R3HDML: variants seen among roughly 807,000 people sequenced by gnomAD.
R3HDML encodes the protein R3H domain containing like.
In R3HDML, 21 loss-of-function variants were observed where a neutral mutation model predicts 24.2. The ratio of observed to expected loss-of-function variants is 0.87; its 90% CI spans 0.62 to 1.25. The LOEUF (loss-of-function observed/expected upper bound fraction) is 1.25. Among genes scored for constraint, R3HDML ranks in the 50% most tolerant of loss-of-function variants. The probability of loss-of-function intolerance (pLI) is 0.00; values close to 1 mark genes in which losing one functional copy is unlikely to be tolerated. For missense variants in R3HDML, 301 were observed against 340.3 expected (o/e 0.88, Z 0.91); for synonymous variants, 133 against 131.5 (o/e 1.01, Z -0.08).
chr20:44,339,333 ATGT>A (rs1364608131), intron 1 of R3HDML, among the ~76,000 whole-genome samples: 7 of 152,290 alleles, frequency 4.6e-5, no homozygotes, highest in Admixed American at 2.6e-4. Flanking sequence ...GTGCCTAGAG[ATGT>A]TGTTTGATAT....
rs142408836 is a variant in R3HDML at position 44,349,472 on chromosome 20, G to A, written c.630-1188G>A. On this transcript the variant is annotated intron_variant, in intron 4 of 4. Coordinates refer to ENST00000217043, the MANE Select transcript of R3HDML (RefSeq NM_178491.4). Reference sequence around the variant, plus strand: ...TGAGAACTGTGGACTGACAGCAGCCGGCACAAATCCTGATGTTCAATAGGT... The same window carrying A: ...TGAGAACTGTGGACTGACAGCAGCCAGCACAAATCCTGATGTTCAATAGGT... Among the ~76,000 whole-genome samples the A allele has an allele frequency of 2.3e-4, 35 of 152,170 alleles. No homozygotes were observed. The South Asian group carries it at 5.0e-3, about 22-fold the overall frequency.
chr20:44,346,067 G>A (rs1048892696), intron 4 of R3HDML, among the ~76,000 whole-genome samples: 3 of 152,268 alleles, frequency 2.0e-5, no homozygotes, highest in East Asian at 3.9e-4. Context: ...TGATCTGCCC[G>A]CATCGGCCTC....
Position 44,343,499 on chromosome 20 carries a change from A to G in R3HDML, c.503A>G (p.His168Arg). The stretch of plus-strand genomic sequence containing the variant: ...CGCTGCGATGGCCCCACCTGCTCCC[A>G]TTATACCCAGGTACTCCTCCGTCAG... The part of the protein sequence containing the change: ...PWRCDGPTCS[H>R]YTQMVWASSN... Residue 168 changes from histidine to arginine, a missense_variant, in exon 3 of 5, where the codon CAT becomes CGT. Physicochemically the swap from His to Arg is conservative, Grantham distance 29. Transcript: ENST00000217043. 6.2e-7 allele frequency: 1 copy of G among 1,607,044 alleles called. No homozygotes were observed. Among genetic ancestry groups the G allele is most frequent in the Non-Finnish European group, 8.5e-7 (1 of 1,177,020 alleles).
rs1028129895 is a variant in R3HDML, at chr20:44,350,969, A to T, written c.*177A>T. The T allele has an allele frequency of 3.3e-6, 2 of 609,074 alleles. No homozygotes were observed. Among genetic ancestry groups the T allele is most frequent in the Admixed American group, 7.5e-5 (2 of 26,830 alleles). 37.7% of individuals were successfully genotyped at this position (609,074 alleles called of 1,614,324 possible). A position where few individuals can be genotyped will look rare whatever the true frequency, so the allele number is the denominator to read the frequency against. Reference sequence around the variant, plus strand: ...GTCCAACATGGGTCAAAAGAAAATGACCTCCTTGCCTTCCTTCTTTCCTAG... The same window carrying T: ...GTCCAACATGGGTCAAAAGAAAATGTCCTCCTTGCCTTCCTTCTTTCCTAG... On this transcript the variant is annotated 3_prime_UTR_variant, in exon 5 of 5. Coordinates refer to ENST00000217043, the MANE Select transcript of R3HDML (RefSeq NM_178491.4).
chr20:44,338,889 T>A lies in R3HDML; in HGVS notation c.261+1471T>A, dbSNP rs1473940610. Among the ~76,000 whole-genome samples the A allele has an allele frequency of 2.0e-5, 3 of 151,852 alleles. No homozygotes were observed. The East Asian group carries it at 5.8e-4, about 29-fold the overall frequency. ...GAGTTCCAGACCAGCCTGGCCAACA[T>A]GGTGAAACCCAGTCTGTACTAAAAA... On this transcript the variant is annotated intron_variant, in intron 1 of 4. Coordinates refer to ENST00000217043, the MANE Select transcript of R3HDML (RefSeq NM_178491.4).
intron 4 of R3HDML, chr20:44,347,637 G>A (rs1365496525): frequency 6.6e-6 from 1 of 152,072 alleles, no homozygotes; most frequent in Non-Finnish European, 1.5e-5. Flanking sequence ...GAAAAAGGGG[G>A]GAACCCTAGG....
At chr20:44,341,536 CA>C (rs1402085395) in intron 2 of R3HDML, among the ~76,000 whole-genome samples, 1 of 152,152 alleles carries the variant, frequency 6.6e-6, no homozygotes, top group Admixed American at 6.5e-5. Flanking sequence ...GGTTTGAGAA[CA>C]AACAAGTGCA....
intron 4 of R3HDML, 40 bp downstream of exon 4, chr20:44,345,418 G>A (rs1247146450): frequency 1.4e-6 from 2 of 1,432,982 alleles, no homozygotes; most frequent in Non-Finnish European, 1.9e-6. Flanking sequence ...CCTGGGGCCG[G>A]CGGGTGGGTC....
intron 2 of R3HDML, 62 bp from the exon 3 acceptor site, chr20:44,343,315 T>C: frequency 6.3e-7 from 1 of 1,587,130 alleles, no homozygotes; most frequent in South Asian, 1.1e-5. Flanking sequence ...ACCAGCAAGT[T>C]GGCGGCCGAG....
chr20:44,339,582 T>TGA (rs1156370987), intron 1 of R3HDML, among the ~76,000 whole-genome samples: 1 of 125,188 alleles, frequency 8.0e-6, no homozygotes, highest in African/African-American at 2.9e-5. Flanking sequence ...TATATATATG[T>TGA]GTGTGTGTGT....
At chr20:44,338,035 C>T (rs1311231153) in intron 1 of R3HDML, among the ~76,000 whole-genome samples, 1 of 152,168 alleles carries the variant, frequency 6.6e-6, no homozygotes. Flanking sequence ...GCTGGGATGT[C>T]TCCCCTCAAA....
Position 44,350,716 on chromosome 20 carries a change from C to T in R3HDML, c.686C>T (p.Pro229Leu). ...ATGGGAAAGCCGTGCTCCTCCTGTC[C>T]CCCCAGTTATCAAGGCAGCTGCAAT... The part of the protein sequence containing the change: ...YKMGKPCSSC[P>L]PSYQGSCNSN... The change falls in exon 5 of 5, where the codon CCC (proline) becomes CTC (leucine). Residue 229 changes from proline (P) to leucine (L), a missense_variant. By Grantham distance (98) the Pro-to-Leu change is moderately conservative. Coordinates refer to ENST00000217043, the MANE Select transcript of R3HDML (RefSeq NM_178491.4). 1 of 1,613,976 alleles carries T rather than the reference C, an allele frequency of 6.2e-7. No individual in the cohort carries two copies. The highest frequency in any genetic ancestry group is 1.7e-5 in the Admixed American group (1 of 59,960).
intron 2 of R3HDML, among the ~76,000 whole-genome samples, 153 bp downstream of exon 2, chr20:44,341,467 A>C (rs1164471770): frequency 6.6e-6 from 1 of 152,256 alleles, no homozygotes; most frequent in African/African-American, 2.4e-5. Context: ...TCTAGTTAGA[A>C]GGGGCAGGCA....
At chr20:44,339,196 GCC>G (rs1056817872) in intron 1 of R3HDML, among the ~76,000 whole-genome samples, 5 of 151,820 alleles carry the variant, frequency 3.3e-5, no homozygotes, top group African/African-American at 1.2e-4. Flanking sequence ...GACAGCCTTT[GCC>G]CTAGCAGCCC....
intron 3 of R3HDML, 47 bp downstream of exon 3, chr20:44,343,556 C>A (rs185250363): frequency 1.3e-5 from 19 of 1,518,730 alleles, no homozygotes; most frequent in South Asian, 7.7e-5. Flanking sequence ...CACATCCTGG[C>A]GCCTTAGAAG....
chr20:44,348,969 A>G, intron 4 of R3HDML, among the ~76,000 whole-genome samples: 1 of 151,886 alleles, frequency 6.6e-6, no homozygotes, highest in Admixed American at 6.6e-5. Flanking sequence ...TGGCCAACAT[A>G]GTGAAATCCC....
chr20:44,344,544 A>G (rs6031533), intron 3 of R3HDML, among the ~76,000 whole-genome samples: 15,384 of 152,146 alleles, frequency 0.1, 969 homozygotes, highest in Middle Eastern at 0.17. Context: ...CACTTTGGGA[A>G]GCCAAGGTGG....
At chr20:44,338,127 G>A (rs887836385) in intron 1 of R3HDML, among the ~76,000 whole-genome samples, 1 of 152,142 alleles carries the variant, frequency 6.6e-6, no homozygotes, top group African/African-American at 2.4e-5. Context: ...TCCTCCCCCA[G>A]GGCCACTGTC....
At position 44,337,440 on chromosome 20, in the gene R3HDML, C is replaced by G; in HGVS notation, c.261+22C>G. The G allele has an allele frequency of 6.2e-7, 1 of 1,601,448 alleles. No homozygotes were observed. The highest frequency in any genetic ancestry group is 8.5e-7 in the Non-Finnish European group (1 of 1,170,366). On this transcript the variant is annotated intron_variant, in intron 1 of 4. Transcript: ENST00000217043. This position sits in a 1 kb window ranked among gnomAD's most constrained non-coding sequence, Gnocchi z 4.7. ...CATGGTGAGTCCCCGTACCTGCCCC[C>G]CACCCCCCGCAGTGTCCCTTCCGGC...
Sources: allele counts gnomAD v4.1 joint callset (sites outside exome capture counted in the v4.1 genomes callset), GRCh38; gene constraint gnomAD v4.1.1; non-coding constraint Gnocchi (gnomAD v3.1); transcripts MANE v1.5; gene names NCBI Gene and HGNC (gene_info 2026-07-23, HGNC 2026-07-21).